TRAM1L1: variants seen among roughly 807,000 people sequenced by gnomAD.
TRAM1L1 encodes the protein translocation associated membrane protein 1 like 1.
For missense variants in TRAM1L1, 451 were observed against 439.9 expected, an observed-to-expected ratio of 1.03 and a Z score of -0.23; for synonymous variants, 189 against 163.6, an observed-to-expected ratio of 1.16 and a Z score of -1.18.
rs781396439 is a variant in TRAM1L1, at chr4:117,084,304, T to C, written c.1090A>G (p.Arg364Gly). 3 of 1,608,308 alleles carry C rather than the reference T, an allele frequency of 1.9e-6. No homozygotes were observed. The South Asian group carries it at 3.3e-5, about 18-fold the overall frequency. ...AAAGATTATGAAGATTTCTCTTTCC[T>C]CTTTGGCGGACAGTCTACTCTATTT... ...TSNRVDCPPK[R>G]KEKSS The change falls in exon 1 of 1, where the codon AGG (arginine) becomes GGG (glycine). Residue 364 changes from arginine to glycine, a missense_variant. Arg to Gly is a moderately radical substitution (Grantham distance 125). Transcript: ENST00000310754.
Position 117,084,353 on chromosome 4 carries a change from TTC to T in TRAM1L1, c.1039_1040del (p.Glu347LysfsTer10), listed in dbSNP as rs745724799. 1 of 1,614,168 alleles carries T rather than the reference TTC, an allele frequency of 6.2e-7. No homozygotes were observed. The highest frequency in any genetic ancestry group is 1.1e-5 in the South Asian group (1 of 91,084). On this transcript the variant is annotated frameshift_variant, in exon 1 of 1. Coordinates refer to ENST00000310754, the MANE Select transcript of TRAM1L1 (RefSeq NM_152402.3). LOFTEE classifies it low-confidence loss of function (END_TRUNC). ...KRSRSSKKRT[E>X]NGVGVETSNR... ...TTGAAGTTTCCACTCCCACTCCGTT[TTC>T]TGTTCTTTTTTTAGAAGATCTCGAC...
In TRAM1L1 at chr4:117,084,448, T is replaced by A; in HGVS notation, c.946A>T (p.Ile316Phe). 6.2e-7 allele frequency: 1 copy of A among 1,614,128 alleles called. No homozygotes were observed. The highest frequency in any genetic ancestry group is 8.5e-7 in the Non-Finnish European group (1 of 1,180,026). The change falls in exon 1 of 1, where the codon ATT (isoleucine) becomes TTT (phenylalanine). Residue 316 changes from isoleucine to phenylalanine, a missense_variant. Physicochemically the swap from Ile to Phe is conservative, Grantham distance 21 (BLOSUM62 0). Coordinates refer to ENST00000310754, the MANE Select transcript of TRAM1L1 (RefSeq NM_152402.3). ...ACCCACCTCTGAAGCCAGAGAGTAA[T>A]TAAGTTCCATGTTACGTAGGCTTGG... ...TIQAYVTWNL[I>F]TLWLQRWVED...
chr4:117,084,544 G>T lies in TRAM1L1; in HGVS notation c.850C>A (p.Pro284Thr), dbSNP rs200297518. ...TTTACATTTCCAGTAAGGGCATCAGGATTCCGATTCTGCGATCCAGCCAGG... is the reference window on the plus strand; with the variant it reads ...TTTACATTTCCAGTAAGGGCATCAGTATTCCGATTCTGCGATCCAGCCAGG... ...FHLAGSQNRN[P>T]DALTGNVNVL... The change falls in exon 1 of 1, where the codon CCT becomes ACT. Residue 284 changes from proline (P) to threonine (T), a missense_variant. Transcript: ENST00000310754. 9 of 1,614,144 alleles carry T rather than the reference G, an allele frequency of 5.6e-6. No homozygotes were observed. The South Asian group carries it at 8.8e-5, about 16-fold the overall frequency.
In TRAM1L1 at chr4:117,084,515, C is replaced by A; in HGVS notation, c.879G>T (p.Val293=). Residue 293 remains valine (V), a synonymous_variant, in exon 1 of 1, where the codon GTG becomes GTT. Coordinates refer to ENST00000310754, the MANE Select transcript of TRAM1L1 (RefSeq NM_152402.3). Reference sequence around the variant, plus strand: ...ACAGAACAGCAATTTTAGCTGCCAACACATTTACATTTCCAGTAAGGGCAT... The same window carrying A: ...ACAGAACAGCAATTTTAGCTGCCAAAACATTTACATTTCCAGTAAGGGCAT... ...NPDALTGNVN[V]LAAKIAVLSS... 1 of 1,614,184 alleles carries A rather than the reference C, an allele frequency of 6.2e-7. No individual in the cohort carries two copies. The highest frequency in any genetic ancestry group is 8.5e-7 in the Non-Finnish European group (1 of 1,180,042).
rs375695919 is a variant in TRAM1L1 at position 117,085,215 on chromosome 4, G to T, written c.179C>A (p.Pro60His). ...GCCCGTGGCTTGTTCCTCTGCTGCA[G>T]GGACAGCAACACTGTGCTGAAGAGT... is the stretch of plus-strand genomic sequence containing the variant. ...FLTLQHSVAV[P>H]AAEEQATGSK... The change falls in exon 1 of 1, where the codon CCT (proline) becomes CAT (histidine). Residue 60 changes from proline (P) to histidine (H), a missense_variant. Transcript: ENST00000310754. The T allele has an allele frequency of 1.4e-5, 22 of 1,613,996 alleles. No individual in the cohort carries two copies. In the African/African-American group the frequency reaches 2.4e-4, roughly 18 times the overall value.
Position 117,084,379 on chromosome 4 carries a change from A to G in TRAM1L1, c.1015T>C (p.Ser339Pro). 2 of 1,614,072 alleles carry G rather than the reference A, an allele frequency of 1.2e-6. No individual in the cohort carries two copies. Among genetic ancestry groups the G allele is most frequent in the Non-Finnish European group, 1.7e-6 (2 of 1,180,016 alleles). ...IQASCMKKKR[S>P]RSSKKRTENG... ...TCTGTTCTTTTTTTAGAAGATCTCGACCGTTTCTTTTTCATACATGAGGCC... is the reference window on the plus strand; with the variant it reads ...TCTGTTCTTTTTTTAGAAGATCTCGGCCGTTTCTTTTTCATACATGAGGCC... Residue 339 changes from serine (S) to proline (P), a missense_variant, in exon 1 of 1, where the codon TCG becomes CCG. By Grantham distance (74) the Ser-to-Pro change is moderately conservative. Transcript: ENST00000310754.
rs1732391312 is a variant in TRAM1L1, at chr4:117,083,713, TG to T, written c.*570del. On this transcript the variant is annotated 3_prime_UTR_variant, in exon 1 of 1. Transcript: ENST00000310754. ...CCCATTAGTACTGTGTTTTTTTAAATGGGGATGAAGCACTAATAATCACTAC... is the reference window on the plus strand; with the variant it reads ...CCCATTAGTACTGTGTTTTTTTAAATGGGATGAAGCACTAATAATCACTAC... The T allele has an allele frequency of 6.6e-6, 1 of 152,622 alleles. No individual in the cohort carries two copies. The highest frequency in any genetic ancestry group is 1.5e-5 in the Non-Finnish European group (1 of 68,040). 9.5% of individuals were successfully genotyped at this position (152,622 alleles called of 1,614,324 possible).
Position 117,084,524 on chromosome 4 carries a change from A to G in TRAM1L1, c.870T>C (p.Asn290=), listed in dbSNP as rs533288308. ...QNRNPDALTG[N]VNVLAAKIAV... ...CAATTTTAGCTGCCAACACATTTAC[A>G]TTTCCAGTAAGGGCATCAGGATTCC... The change falls in exon 1 of 1, where the codon AAT becomes AAC. Residue 290 remains asparagine, a synonymous_variant. Transcript: ENST00000310754. 6.2e-7 allele frequency: 1 copy of G among 1,614,136 alleles called. No individual in the cohort carries two copies. The highest frequency in any genetic ancestry group is 8.5e-7 in the Non-Finnish European group (1 of 1,180,028).
At position 117,084,033 on chromosome 4, in the gene TRAM1L1, A is replaced by G; in HGVS notation, c.*251T>C. ...GTTGAAAGGTTAAAAATCAAAACAA[A>G]ATATAGTGGTGATCCCCAAAACTAT... On this transcript the variant is annotated 3_prime_UTR_variant, in exon 1 of 1. Coordinates refer to ENST00000310754, the MANE Select transcript of TRAM1L1 (RefSeq NM_152402.3). 1 of 394,438 alleles carries G rather than the reference A, an allele frequency of 2.5e-6. No individual in the cohort carries two copies. The allele number at this position is 394,438 out of a possible 1,614,324, so 24.4% of individuals were successfully genotyped here.
In TRAM1L1 at chr4:117,083,966, A is replaced by T. The variant is rs2110394399; in HGVS notation, c.*318T>A. ...GGGAGTAAGAACCAGTATCATTGAT[A>T]TGCAAAATTGTGCAGTTATCTCTGC... On this transcript the variant is annotated 3_prime_UTR_variant, in exon 1 of 1. Coordinates refer to ENST00000310754, the MANE Select transcript of TRAM1L1 (RefSeq NM_152402.3). The T allele has an allele frequency of 4.4e-6, 1 of 229,372 alleles. No individual in the cohort carries two copies. Among genetic ancestry groups the T allele is most frequent in the South Asian group, 1.1e-4 (1 of 9,432 alleles). The allele number at this position is 229,372 out of a possible 1,614,324, so 14.2% of individuals were successfully genotyped here.
At position 117,084,217 on chromosome 4, in the gene TRAM1L1, T is replaced by C. The variant is rs746902715; in HGVS notation, c.*67A>G. On this transcript the variant is annotated 3_prime_UTR_variant, in exon 1 of 1. Transcript: ENST00000310754. ...AACTATTTTCAAAAACAGAAAAATCTCTAGTGCAGAAAGAAACCTCAAAGA... is the reference window on the plus strand; with the variant it reads ...AACTATTTTCAAAAACAGAAAAATCCCTAGTGCAGAAAGAAACCTCAAAGA... 69 of 1,462,904 alleles carry C rather than the reference T, an allele frequency of 4.7e-5. No homozygotes were observed. The highest frequency in any genetic ancestry group is 5.7e-5 in the Non-Finnish European group (62 of 1,092,880). 90.6% of individuals were successfully genotyped at this position (1,462,904 alleles called of 1,614,324 possible).
chr4:117,084,484 T>C lies in TRAM1L1; in HGVS notation c.910A>G (p.Ser304Gly). The change falls in exon 1 of 1, where the codon AGT becomes GGT. Residue 304 changes from serine to glycine, a missense_variant. By Grantham distance (56) the Ser-to-Gly change is moderately conservative (BLOSUM62 0). Transcript: ENST00000310754. ...GTTACGTAGGCTTGGATCGTGCAAC[T>C]GGACGACAGAACAGCAATTTTAGCT... is the stretch of plus-strand genomic sequence containing the variant. ...LAAKIAVLSS[S>G]CTIQAYVTWN... The C allele has an allele frequency of 1.9e-6, 3 of 1,614,192 alleles. No individual in the cohort carries two copies. Among genetic ancestry groups the C allele is most frequent in the Non-Finnish European group, 1.7e-6 (2 of 1,180,040 alleles).
Position 117,084,239 on chromosome 4 carries a change from A to G in TRAM1L1, c.*45T>C, listed in dbSNP as rs1247610695. ...ATCTCTAGTGCAGAAAGAAACCTCA[A>G]AGAGCAGATTCCTTTGCAGACATTA... is the stretch of plus-strand genomic sequence containing the variant. On this transcript the variant is annotated 3_prime_UTR_variant, in exon 1 of 1. Coordinates refer to ENST00000310754, the MANE Select transcript of TRAM1L1 (RefSeq NM_152402.3). 3.9e-6 allele frequency: 6 copies of G among 1,525,284 alleles called. No homozygotes were observed. The highest frequency in any genetic ancestry group is 1.4e-5 in the African/African-American group (1 of 71,754). The allele number at this position is 1,525,284 out of a possible 1,614,324, so 94.5% of individuals were successfully genotyped here.
chr4:117,085,217 G>A lies in TRAM1L1; in HGVS notation c.177C>T (p.Val59=). 2 of 1,614,082 alleles carry A rather than the reference G, an allele frequency of 1.2e-6. No individual in the cohort carries two copies. The highest frequency in any genetic ancestry group is 2.2e-5 in the South Asian group (2 of 91,076). Residue 59 remains valine (V), a synonymous_variant, in exon 1 of 1, where the codon GTC becomes GTT. Coordinates refer to ENST00000310754, the MANE Select transcript of TRAM1L1 (RefSeq NM_152402.3). ...CCGTGGCTTGTTCCTCTGCTGCAGG[G>A]ACAGCAACACTGTGCTGAAGAGTGA... is the stretch of plus-strand genomic sequence containing the variant. The part of the protein sequence containing the change: ...VFLTLQHSVA[V]PAAEEQATGS...
At position 117,085,219 on chromosome 4, in the gene TRAM1L1, C is replaced by T; in HGVS notation, c.175G>A (p.Val59Ile). The change falls in exon 1 of 1, where the codon GTC becomes ATC. Residue 59 changes from valine (V) to isoleucine (I), a missense_variant. Val to Ile is a conservative substitution (Grantham distance 29, BLOSUM62 3). Transcript: ENST00000310754. ...GTGGCTTGTTCCTCTGCTGCAGGGA[C>T]AGCAACACTGTGCTGAAGAGTGAGA... The part of the protein sequence containing the change: ...VFLTLQHSVA[V>I]PAAEEQATGS... The T allele has an allele frequency of 6.2e-7, 1 of 1,614,116 alleles. No homozygotes were observed. Among genetic ancestry groups the T allele is most frequent in the Non-Finnish European group, 8.5e-7 (1 of 1,180,014 alleles).
At position 117,084,426 on chromosome 4, in the gene TRAM1L1, C is replaced by A; in HGVS notation, c.968G>T (p.Trp323Leu). The A allele has an allele frequency of 6.2e-7, 1 of 1,614,116 alleles. No homozygotes were observed. The highest frequency in any genetic ancestry group is 8.5e-7 in the Non-Finnish European group (1 of 1,180,048). Residue 323 changes from tryptophan (W) to leucine (L), a missense_variant, in exon 1 of 1, where the codon TGG (tryptophan) becomes TTG (leucine). Coordinates refer to ENST00000310754, the MANE Select transcript of TRAM1L1 (RefSeq NM_152402.3). ...GGCCTGAATATTAGAATCTTCTACC[C>A]ACCTCTGAAGCCAGAGAGTAATTAA... Reference protein sequence around the residue: ...WNLITLWLQRWVEDSNIQASC... With the variant: ...WNLITLWLQRLVEDSNIQASC...
Position 117,084,420 on chromosome 4 carries a change from T to C in TRAM1L1, c.974A>G (p.Glu325Gly). 1 of 1,614,200 alleles carries C rather than the reference T, an allele frequency of 6.2e-7. No homozygotes were observed. Among genetic ancestry groups the C allele is most frequent in the Non-Finnish European group, 8.5e-7 (1 of 1,180,048 alleles). Residue 325 changes from glutamate to glycine, a missense_variant, in exon 1 of 1, where the codon GAA (glutamate) becomes GGA (glycine). Glu to Gly is a moderately conservative substitution (Grantham distance 98, BLOSUM62 -2). Transcript: ENST00000310754. ...ACATGAGGCCTGAATATTAGAATCT[T>C]CTACCCACCTCTGAAGCCAGAGAGT... The part of the protein sequence containing the change: ...LITLWLQRWV[E>G]DSNIQASCMK...
chr4:117,084,191 G>A lies in TRAM1L1; in HGVS notation c.*93C>T, dbSNP rs952580250. On this transcript the variant is annotated 3_prime_UTR_variant, in exon 1 of 1. Coordinates refer to ENST00000310754, the MANE Select transcript of TRAM1L1 (RefSeq NM_152402.3). ...TTCAATAACAAAAACCGAAGAGCAC[G>A]AACTATTTTCAAAAACAGAAAAATC... 11 of 1,296,092 alleles carry A rather than the reference G, an allele frequency of 8.5e-6. No homozygotes were observed. The highest frequency in any genetic ancestry group is 4.5e-5 in the African/African-American group (3 of 67,326). 80.3% of individuals were successfully genotyped at this position (1,296,092 alleles called of 1,614,324 possible).
Position 117,085,363 on chromosome 4 carries a change from G to A in TRAM1L1, c.31C>T (p.Pro11Ser). 1 of 1,613,286 alleles carries A rather than the reference G, an allele frequency of 6.2e-7. No homozygotes were observed. The highest frequency in any genetic ancestry group is 1.1e-5 in the South Asian group (1 of 91,054). The change falls in exon 1 of 1, where the codon CCC (proline) becomes TCC (serine). Residue 11 changes from proline to serine, a missense_variant. By Grantham distance (74) the Pro-to-Ser change is moderately conservative. Transcript: ENST00000310754. ...ATGAATTCCTGGCTGAGAACGGGGG[G>A]GTTCTTGGTGCTCTTCTTACGGAGC... is the stretch of plus-strand genomic sequence containing the variant. Reference protein sequence around the residue: MGLRKKSTKNPPVLSQEFILQ... With the variant: MGLRKKSTKNSPVLSQEFILQ...
Sources: allele counts gnomAD v4.1 joint callset, GRCh38; gene constraint gnomAD v4.1.1; transcripts MANE v1.5; gene names NCBI Gene and HGNC (gene_info 2026-07-23, HGNC 2026-07-21).